EPB41: variants seen among roughly 807,000 people sequenced by gnomAD.
EPB41 encodes protein 4.1.
EPB41 carries 65 observed loss-of-function variants against 108.0 expected under a neutral mutation model. The ratio of observed to expected loss-of-function variants is 0.60; its 90% CI spans 0.49 to 0.74. EPB41 has a LOEUF of 0.74. Ranked by LOEUF, EPB41 falls within the 30% of genes least tolerant of loss-of-function variation. EPB41 has a pLI of 0.00. For synonymous variants in EPB41, 336 were observed against 358.9 expected, an observed-to-expected ratio of 0.94 and a Z score of 0.72; for missense variants, 875 against 1,037.0, an observed-to-expected ratio of 0.84 and a Z score of 2.15.
At chr1:28,933,981 T>A (rs192928843) in intron 1 of EPB41, among the ~76,000 whole-genome samples, 1 of 152,322 alleles carries the variant, frequency 6.6e-6, no homozygotes, top group East Asian at 1.9e-4. Flanking sequence ...TTTATTCAGA[T>A]TTCCTCAGGT....
In EPB41 at chr1:28,948,264, A is replaced by G. The variant is rs552054521; in HGVS notation, c.-8+33496A>G. On this transcript the variant is annotated intron_variant, in intron 1 of 20. Coordinates refer to ENST00000343067, the MANE Select transcript of EPB41 (RefSeq NM_001376013.1). ...CGTGGTGACTCACGCCTGTAATCGC[A>G]GCACTTTGGGAGGCCGAGGCGGGCG... Among the ~76,000 whole-genome samples the G allele has an allele frequency of 4.0e-3, 602 of 152,314 alleles. 4 individuals carry two copies. The highest frequency in any genetic ancestry group is 7.2e-3 in the South Asian group (35 of 4,832).
chr1:29,105,702 G>T (rs1666892365), intron 17 of EPB41, among the ~76,000 whole-genome samples: 1 of 149,504 alleles, frequency 6.7e-6, no homozygotes, highest in African/African-American at 2.5e-5. Flanking sequence ...TTCAGTTTGG[G>T]AAAATATTAA....
At chr1:29,077,482 G>T (rs1366194611) in intron 16 of EPB41, among the ~76,000 whole-genome samples, 2 of 152,024 alleles carry the variant, frequency 1.3e-5, no homozygotes, top group Non-Finnish European at 2.9e-5. Context: ...TAAGAATAGG[G>T]TACACATCTG....
At chr1:28,933,785 G>T (rs568179045) in intron 1 of EPB41, among the ~76,000 whole-genome samples, 1 of 151,976 alleles carries the variant, frequency 6.6e-6, no homozygotes, top group Non-Finnish European at 1.5e-5. Flanking sequence ...GTCATGTTGG[G>T]CAAAGCAAGA....
chr1:29,029,883 C>A (rs2096767153), intron 7 of EPB41, among the ~76,000 whole-genome samples: 1 of 152,094 alleles, frequency 6.6e-6, no homozygotes, highest in Non-Finnish European at 1.5e-5. Context: ...AAGCCTGCCC[C>A]GATTAAGAGT....
intron 1 of EPB41, among the ~76,000 whole-genome samples, chr1:28,948,378 G>A (rs985100629): frequency 6.6e-6 from 1 of 151,788 alleles, no homozygotes; most frequent in Non-Finnish European, 1.5e-5. Context: ...GCGCGGTGGC[G>A]GGCCCTTGTA....
At position 28,968,980 on chromosome 1, in the gene EPB41, C is replaced by T. The variant is rs889694646; in HGVS notation, c.-7-18451C>T. On this transcript the variant is annotated intron_variant, in intron 1 of 20. Coordinates refer to ENST00000343067, the MANE Select transcript of EPB41 (RefSeq NM_001376013.1). The stretch of plus-strand genomic sequence containing the variant: ...ACTCTGCCTCCAAAACCCCCCACCC[C>T]CCAAAAAAAAAACACAAACTAAATG... Among the ~76,000 whole-genome samples, 9 of 149,572 alleles carry T rather than the reference C, an allele frequency of 6.0e-5. 1 individual carries two copies. Among genetic ancestry groups the T allele is most frequent in the Admixed American group, 4.0e-4 (6 of 15,044 alleles).
chr1:28,900,573 C>T (rs969866610), intron 1 of EPB41, among the ~76,000 whole-genome samples: 4 of 152,128 alleles, frequency 2.6e-5, no homozygotes, highest in Non-Finnish European at 4.4e-5. Flanking sequence ...CAGGCATGAG[C>T]CACTGTGCCT....
chr1:29,093,233 G>A (rs1281838209), intron 16 of EPB41, among the ~76,000 whole-genome samples: 1 of 152,068 alleles, frequency 6.6e-6, no homozygotes, highest in Non-Finnish European at 1.5e-5. Flanking sequence ...TGACTTTTTA[G>A]TAACAGCCAT....
Position 29,018,501 on chromosome 1 carries a change from A to G in EPB41, c.1124+59A>G, listed in dbSNP as rs1316004912. 2.0e-6 allele frequency: 3 copies of G among 1,488,490 alleles called. No homozygotes were observed. The highest frequency in any genetic ancestry group is 1.9e-6 in the Non-Finnish European group (2 of 1,066,682). The allele number at this position is 1,488,490 out of a possible 1,614,324, so 92.2% of individuals were successfully genotyped here. A position where few individuals can be genotyped will look rare whatever the true frequency, so the allele number is the denominator to read the frequency against. On this transcript the variant is annotated intron_variant, in intron 7 of 20. Coordinates refer to ENST00000343067, the MANE Select transcript of EPB41 (RefSeq NM_001376013.1). This position sits in a 1 kb window ranked among gnomAD's most constrained non-coding sequence, Gnocchi z 4.4. ...TTTTGGCGATTAGTTTAAACACAAC[A>G]TGGTATTGGTTCATTGTTTGCCTAA... is the stretch of plus-strand genomic sequence containing the variant.
intron 16 of EPB41, chr1:29,069,148 T>A: frequency 2.4e-6 from 3 of 1,231,572 alleles, no homozygotes; most frequent in South Asian, 8.2e-5. Context: ...TTTCCTTTTT[T>A]TCTTTTTTGC....
chr1:28,919,754 C>G (rs2092941778), intron 1 of EPB41, among the ~76,000 whole-genome samples: 1 of 152,066 alleles, frequency 6.6e-6, no homozygotes, highest in African/African-American at 2.4e-5. Flanking sequence ...AGCATCCAGC[C>G]CAAAAGTCCT....
At chr1:28,977,977 G>T (rs12410756) in intron 1 of EPB41, among the ~76,000 whole-genome samples, 2 of 143,746 alleles carry the variant, frequency 1.4e-5, no homozygotes, top group Non-Finnish European at 3.0e-5. Context: ...TAAGAACATA[G>T]ATGCAAACTC....
chr1:29,093,045 T>A (rs1661883224), intron 16 of EPB41, among the ~76,000 whole-genome samples: 1 of 151,406 alleles, frequency 6.6e-6, no homozygotes, highest in African/African-American at 2.4e-5. Context: ...GTAGAACGAT[T>A]TATATTCCTT....
intron 11 of EPB41, among the ~76,000 whole-genome samples, chr1:29,052,808 G>A (rs1644746451): frequency 6.6e-6 from 1 of 151,950 alleles, no homozygotes; most frequent in Admixed American, 6.6e-5. Flanking sequence ...AAAATTACGA[G>A]ATAAATGGAT....
chr1:28,894,097 C>T (rs1272690224), intron 1 of EPB41, among the ~76,000 whole-genome samples: 1 of 152,154 alleles, frequency 6.6e-6, no homozygotes, highest in East Asian at 1.9e-4. Context: ...TTTTCTGTTG[C>T]ATACAGGTGG....
At chr1:29,058,564 T>C in intron 12 of EPB41, 25 bp from the exon 13 acceptor site, 1 of 1,605,246 alleles carries the variant, frequency 6.2e-7, no homozygotes. Flanking sequence ...AAAATGTTTT[T>C]ACTACTTTTA....
chr1:29,102,053 G>T (rs1419121124), intron 17 of EPB41, among the ~76,000 whole-genome samples: 1 of 152,178 alleles, frequency 6.6e-6, no homozygotes, highest in African/African-American at 2.4e-5. Context: ...AATAGGTCTT[G>T]GCAGTGAAGG....
At chr1:29,031,345 G>A (rs1236292440) in intron 8 of EPB41, among the ~76,000 whole-genome samples, 1 of 152,176 alleles carries the variant, frequency 6.6e-6, no homozygotes, top group East Asian at 1.9e-4. Context: ...AATCACTGAG[G>A]ATGTTCATTA....
Sources: gnomAD v4.1 joint callset for allele counts (sites outside exome capture counted in the v4.1 genomes callset) on GRCh38, gnomAD v4.1.1 for gene constraint, Gnocchi (gnomAD v3.1) non-coding constraint, MANE v1.5 for transcripts, NCBI Gene and HGNC (gene_info 2026-07-23, HGNC 2026-07-21) for gene names.